MTUS2: variants seen among roughly 807,000 people sequenced by gnomAD.
MTUS2 encodes microtubule-associated tumor suppressor candidate 2.
Under a neutral mutation model 114.1 loss-of-function variants are expected in MTUS2, and 40 were observed. The observed-to-expected ratio is 0.35, with a 90% CI of 0.27 to 0.46. The LOEUF (loss-of-function observed/expected upper bound fraction) is 0.46, where lower values mean the gene tolerates loss of function less well. Ranked by LOEUF, MTUS2 falls within the 20% of genes least tolerant of loss-of-function variation. The probability of loss-of-function intolerance (pLI) is 1.00; values close to 1 mark genes in which losing one functional copy is unlikely to be tolerated. For synonymous variants in MTUS2, 688 were observed against 672.0 expected, an observed-to-expected ratio of 1.02 and a Z score of -0.37; for missense variants, 1,679 against 1,705.4, an observed-to-expected ratio of 0.98 and a Z score of 0.27.
rs140626440 is a variant in MTUS2 at position 29,086,768 on chromosome 13, C to T, written c.2447-14005C>T. Among the ~76,000 whole-genome samples the T allele has an allele frequency of 7.3e-3, 1,107 of 152,116 alleles. 12 individuals carry two copies. The highest frequency in any genetic ancestry group is 9.8e-3 in the Non-Finnish European group (668 of 67,958). Reference sequence around the variant, plus strand: ...TCTATCCAAGAGCATGGAATTTTTTCCATTTCTTTGTGTCATCTATTATTT... The same window carrying T: ...TCTATCCAAGAGCATGGAATTTTTTTCATTTCTTTGTGTCATCTATTATTT... On this transcript the variant is annotated intron_variant, in intron 4 of 15. Coordinates refer to ENST00000612955, the MANE Select transcript of MTUS2 (RefSeq NM_001033602.4).
chr13:29,417,967 G>A (rs772105175), intron 8 of MTUS2, among the ~76,000 whole-genome samples: 2 of 152,142 alleles, frequency 1.3e-5, no homozygotes, highest in Non-Finnish European at 2.9e-5. Flanking sequence ...AGACTTTTTA[G>A]TGGAGTTGGG....
At chr13:29,490,373 G>A (rs1881972764) in intron 11 of MTUS2, among the ~76,000 whole-genome samples, 3 of 152,192 alleles carry the variant, frequency 2.0e-5, no homozygotes, top group African/African-American at 4.8e-5. Context: ...ACCATTCTGA[G>A]CATATGATGC....
At chr13:29,146,061 A>G (rs938733482) in intron 5 of MTUS2, among the ~76,000 whole-genome samples, 1 of 152,190 alleles carries the variant, frequency 6.6e-6, no homozygotes, top group African/African-American at 2.4e-5. Flanking sequence ...GATGATGGTG[A>G]TTCTTTATAT....
At chr13:28,992,495 C>T (rs1056379598) in intron 2 of MTUS2, among the ~76,000 whole-genome samples, 1 of 152,112 alleles carries the variant, frequency 6.6e-6, no homozygotes, top group Non-Finnish European at 1.5e-5. Context: ...TGCACATGGA[C>T]TAGAAGCAGG....
At chr13:28,983,474 C>T (rs1884447878) in intron 2 of MTUS2, among the ~76,000 whole-genome samples, 2 of 152,084 alleles carry the variant, frequency 1.3e-5, no homozygotes, top group Admixed American at 6.5e-5. Context: ...ATGTAAAATA[C>T]CTTGTTAATA....
chr13:29,410,235 A>G (rs1875122937), intron 8 of MTUS2, among the ~76,000 whole-genome samples: 1 of 151,516 alleles, frequency 6.6e-6, no homozygotes, highest in Non-Finnish European at 1.5e-5. Context: ...AGCGATTCTC[A>G]TGCCTCAGCC....
chr13:29,039,687 C>T (rs775445764), intron 4 of MTUS2, among the ~76,000 whole-genome samples: 19 of 152,204 alleles, frequency 1.2e-4, no homozygotes, highest in Non-Finnish European at 2.6e-4. Flanking sequence ...TGTCTTTGAT[C>T]AGTGTGAAAA....
intron 5 of MTUS2, among the ~76,000 whole-genome samples, chr13:29,135,466 T>G (rs1891939874): frequency 6.6e-6 from 1 of 152,186 alleles, no homozygotes; most frequent in Non-Finnish European, 1.5e-5. Flanking sequence ...TTGGATCATG[T>G]TTTTGTTTTT....
At chr13:29,458,031 C>T (rs755046207) in intron 9 of MTUS2, among the ~76,000 whole-genome samples, 10 of 152,260 alleles carry the variant, frequency 6.6e-5, no homozygotes, top group East Asian at 5.8e-4. Flanking sequence ...GGATTATAGG[C>T]GTGAGCCACT....
intron 9 of MTUS2, among the ~76,000 whole-genome samples, chr13:29,464,911 C>G (rs910374518): frequency 6.6e-6 from 1 of 151,788 alleles, no homozygotes; most frequent in Non-Finnish European, 1.5e-5. Flanking sequence ...CATGCTAATT[C>G]TAACGCATGC....
intron 5 of MTUS2, among the ~76,000 whole-genome samples, chr13:29,133,902 C>T (rs778473979): frequency 6.6e-6 from 1 of 152,124 alleles, no homozygotes; most frequent in East Asian, 1.9e-4. Context: ...CTGCTCTACC[C>T]TTTACTGTTT....
intron 5 of MTUS2, among the ~76,000 whole-genome samples, chr13:29,261,602 G>A (rs1255441177): frequency 6.6e-6 from 1 of 152,106 alleles, no homozygotes; most frequent in East Asian, 1.9e-4. Flanking sequence ...CTTTCTTATT[G>A]CTCTATTAAT....
intron 5 of MTUS2, among the ~76,000 whole-genome samples, chr13:29,224,246 C>G (rs1896020092): frequency 6.6e-6 from 1 of 152,208 alleles, no homozygotes; most frequent in South Asian, 2.1e-4. Context: ...TGATCAAGTG[C>G]TCTCGTAGTA....
intron 4 of MTUS2, among the ~76,000 whole-genome samples, chr13:29,061,515 CTT>C (rs1270873135): frequency 6.6e-6 from 1 of 152,168 alleles, no homozygotes; most frequent in African/African-American, 2.4e-5. Context: ...TAATGGGACT[CTT>C]ATGCAGGTTT....
At chr13:29,330,126 T>A (rs1285731613) in intron 7 of MTUS2, among the ~76,000 whole-genome samples, 1 of 152,214 alleles carries the variant, frequency 6.6e-6, no homozygotes, top group East Asian at 1.9e-4. Context: ...TCTGATTTTT[T>A]AATGATCGCC....
At chr13:29,303,304 T>C (rs972183236) in intron 6 of MTUS2, among the ~76,000 whole-genome samples, 14 of 152,162 alleles carry the variant, frequency 9.2e-5, no homozygotes, top group African/African-American at 3.1e-4. Flanking sequence ...GAGGCTAAGA[T>C]GGCTGAATTG....
chr13:28,985,576 TAAAAAGC>T (rs1566270705), intron 2 of MTUS2, among the ~76,000 whole-genome samples: 2 of 149,382 alleles, frequency 1.3e-5, no homozygotes, highest in African/African-American at 2.5e-5. Context: ...TTTTTTTTTT[TAAAAAGC>T]TTTATCTTTG....
intron 8 of MTUS2, among the ~76,000 whole-genome samples, chr13:29,411,815 G>C (rs1875260066): frequency 6.6e-6 from 1 of 152,144 alleles, no homozygotes; most frequent in Non-Finnish European, 1.5e-5. Context: ...GCTTCTTCCT[G>C]TGTATTTAAT....
At chr13:29,136,684 C>T (rs1891991366) in intron 5 of MTUS2, among the ~76,000 whole-genome samples, 1 of 152,202 alleles carries the variant, frequency 6.6e-6, no homozygotes, top group African/African-American at 2.4e-5. Context: ...CATGGAAGTT[C>T]TGTACCCCTT....
Sources: allele counts gnomAD v4.1 joint callset (sites outside exome capture counted in the v4.1 genomes callset), GRCh38; gene constraint gnomAD v4.1.1; transcripts MANE v1.5; gene names NCBI Gene and HGNC (gene_info 2026-07-23, HGNC 2026-07-21).